Variants in FBXO8 observed in about 807,000 individuals in gnomAD.
FBXO8 encodes the protein F-box protein 8.
A neutral mutation model predicts 33.4 loss-of-function variants in FBXO8; 15 were observed. That is an observed-to-expected ratio of 0.45 (90% CI 0.30 to 0.69). FBXO8 has a LOEUF of 0.69. Among genes scored for constraint, FBXO8 ranks in the 30% least tolerant of loss-of-function variants. The pLI is 0.08. For missense variants in FBXO8, 274 were observed against 380.3 expected (o/e 0.72, Z 2.32); for synonymous variants, 132 against 131.5 (o/e 1.00, Z -0.02).
Position 174,251,003 on chromosome 4 carries a change from C to G in FBXO8, c.456+8696G>C, listed in dbSNP as rs927697713. 4.6e-5 allele frequency among the ~76,000 whole-genome samples: 7 copies of G among 152,064 alleles called. No homozygotes were observed. The highest frequency in any genetic ancestry group is 8.8e-5 in the Non-Finnish European group (6 of 68,000). Reference sequence around the variant, plus strand: ...GTATGATGAGAAAATAAAAAGCAAACAGATTTTTCATTAAAATGCACTTAA... The same window carrying G: ...GTATGATGAGAAAATAAAAAGCAAAGAGATTTTTCATTAAAATGCACTTAA... On this transcript the variant is annotated intron_variant, in intron 3 of 5. Coordinates refer to ENST00000393674, the MANE Select transcript of FBXO8 (RefSeq NM_012180.3). The surrounding 1 kb of genome is among the most constrained non-coding windows in gnomAD (Gnocchi z 4.2).
At position 174,252,477 on chromosome 4, in the gene FBXO8, T is replaced by C. The variant is rs960799782; in HGVS notation, c.456+7222A>G. Among the ~76,000 whole-genome samples, 2 of 152,168 alleles carry C rather than the reference T, an allele frequency of 1.3e-5. No individual in the cohort carries two copies. Among genetic ancestry groups the C allele is most frequent in the African/African-American group, 4.8e-5 (2 of 41,442 alleles). ...TCCAAACTAATATGGCTCCAGGTTGTTGGGCTCACAGATAGCATCACAGAC... is the reference window on the plus strand; with the variant it reads ...TCCAAACTAATATGGCTCCAGGTTGCTGGGCTCACAGATAGCATCACAGAC... On this transcript the variant is annotated intron_variant, in intron 3 of 5. Transcript: ENST00000393674. This position sits in a 1 kb window ranked among gnomAD's most constrained non-coding sequence, Gnocchi z 5.1.
intron 3 of FBXO8, among the ~76,000 whole-genome samples, chr4:174,246,708 T>TA (rs1265935626): frequency 6.6e-6 from 1 of 151,744 alleles, no homozygotes; most frequent in African/African-American, 2.4e-5. Flanking sequence ...GCAAAGCCGA[T>TA]AAAAAGAGAG....
chr4:174,260,458 T>C (rs967506239), intron 2 of FBXO8, among the ~76,000 whole-genome samples: 13 of 152,038 alleles, frequency 8.6e-5, no homozygotes, highest in Non-Finnish European at 1.3e-4. Context: ...ACAAATTAAA[T>C]ACAGAAATTG....
In FBXO8 at chr4:174,253,924, G is replaced by A. The variant is rs1402480808; in HGVS notation, c.456+5775C>T. Among the ~76,000 whole-genome samples, 1 of 152,146 alleles carries A rather than the reference G, an allele frequency of 6.6e-6. No individual in the cohort carries two copies. Among genetic ancestry groups the A allele is most frequent in the Non-Finnish European group, 1.5e-5 (1 of 68,026 alleles). ...TTGTGGTAGCATCTTGCTATCAAGA[G>A]AGGGTGAAAGTCAACACACTCAGGT... On this transcript the variant is annotated intron_variant, in intron 3 of 5. Coordinates refer to ENST00000393674, the MANE Select transcript of FBXO8 (RefSeq NM_012180.3). The surrounding 1 kb of genome is among the most constrained non-coding windows in gnomAD (Gnocchi z 4.5).
chr4:174,273,338 G>GAAAAGA (rs1736882709), intron 1 of FBXO8, among the ~76,000 whole-genome samples: 1 of 97,466 alleles, frequency 1.0e-5, no homozygotes, highest in Admixed American at 1.2e-4. Context: ...AAAAAAAAAA[G>GAAAAGA]AAAAGAAAAG....
chr4:174,283,593 C>T lies in FBXO8; in HGVS notation c.-192G>A. ...AGAATACCAGAAACAGCACTACGAC[C>T]CTCAGAACTCAGGGTACCTCCAGCT... On this transcript the variant is annotated 5_prime_UTR_variant, in exon 1 of 6. Transcript: ENST00000393674. This position sits in a 1 kb window ranked among gnomAD's most constrained non-coding sequence, Gnocchi z 6.7. The T allele has an allele frequency of 3.3e-6, 1 of 300,686 alleles. No individual in the cohort carries two copies. Among genetic ancestry groups the T allele is most frequent in the African/African-American group, 2.1e-5 (1 of 46,576 alleles). The allele number at this position is 300,686 out of a possible 1,614,324, so 18.6% of individuals were successfully genotyped here.
chr4:174,282,257 T>A (rs1737117358), intron 1 of FBXO8, among the ~76,000 whole-genome samples: 1 of 152,226 alleles, frequency 6.6e-6, no homozygotes. Flanking sequence ...TAATATTTTG[T>A]GGATGGAAGT....
rs35190385 is a variant in FBXO8 at position 174,277,201 on chromosome 4, T to G, written c.-9+6209A>C. ...ATACTTTTTAACTTCTAGAAGATCG[T>G]TACATTTCTAAGAGATGGTATTTTT... On this transcript the variant is annotated intron_variant, in intron 1 of 5. Coordinates refer to ENST00000393674, the MANE Select transcript of FBXO8 (RefSeq NM_012180.3). This position sits in a 1 kb window ranked among gnomAD's most constrained non-coding sequence, Gnocchi z 4.9. Among the ~76,000 whole-genome samples, 27,029 of 152,098 alleles carry G rather than the reference T, an allele frequency of 0.18. 2,937 individuals carry two copies. Among genetic ancestry groups the G allele is most frequent in the East Asian group, 0.58 (3,011 of 5,166 alleles).
chr4:174,267,422 C>T lies in FBXO8; in HGVS notation c.-8-4322G>A, dbSNP rs1736718868. Among the ~76,000 whole-genome samples the T allele has an allele frequency of 6.6e-6, 1 of 152,120 alleles. No individual in the cohort carries two copies. Among genetic ancestry groups the T allele is most frequent in the Non-Finnish European group, 1.5e-5 (1 of 68,022 alleles). Reference sequence around the variant, plus strand: ...GTTAGCTAGGTGCGATGGTGCATACCTGTAGTCCTATCCACTCAGGAGTCT... The same window carrying T: ...GTTAGCTAGGTGCGATGGTGCATACTTGTAGTCCTATCCACTCAGGAGTCT... On this transcript the variant is annotated intron_variant, in intron 1 of 5. Coordinates refer to ENST00000393674, the MANE Select transcript of FBXO8 (RefSeq NM_012180.3). The surrounding 1 kb of genome is among the most constrained non-coding windows in gnomAD (Gnocchi z 4.7).
In FBXO8 at chr4:174,258,676, T is replaced by C. The variant is rs969023218; in HGVS notation, c.456+1023A>G. ...ATTTTAAATTTATGTACCATAAAAATTTAACAAAAAATAAACCATACATAA... is the reference window on the plus strand; with the variant it reads ...ATTTTAAATTTATGTACCATAAAAACTTAACAAAAAATAAACCATACATAA... On this transcript the variant is annotated intron_variant, in intron 3 of 5. Coordinates refer to ENST00000393674, the MANE Select transcript of FBXO8 (RefSeq NM_012180.3). 9.2e-5 allele frequency among the ~76,000 whole-genome samples: 14 copies of C among 152,116 alleles called. No homozygotes were observed. The South Asian group carries it at 2.9e-3, about 31-fold the overall frequency.
rs1736142548 is a variant in FBXO8 at position 174,245,693 on chromosome 4, TTAGA to T, written c.457-4479_457-4476del. Among the ~76,000 whole-genome samples, 1 of 151,752 alleles carries T rather than the reference TTAGA, an allele frequency of 6.6e-6. No homozygotes were observed. Among genetic ancestry groups the T allele is most frequent in the Non-Finnish European group, 1.5e-5 (1 of 67,882 alleles). On this transcript the variant is annotated intron_variant, in intron 3 of 5. Coordinates refer to ENST00000393674, the MANE Select transcript of FBXO8 (RefSeq NM_012180.3). This position sits in a 1 kb window ranked among gnomAD's most constrained non-coding sequence, Gnocchi z 4.6. ...ATAAAGATAAATAATGAAAGAAAAA[TTAGA>T]TAGTGGGCTATTCAGCGGAGCACTC...
chr4:174,246,259 T>C (rs993112646), intron 3 of FBXO8, among the ~76,000 whole-genome samples: 4 of 151,258 alleles, frequency 2.6e-5, no homozygotes, highest in Non-Finnish European at 5.9e-5. Context: ...GATATGAACA[T>C]AAACAATCTA....
At chr4:174,279,863 C>T (rs1428291295) in intron 1 of FBXO8, among the ~76,000 whole-genome samples, 2 of 152,014 alleles carry the variant, frequency 1.3e-5, no homozygotes, top group South Asian at 2.1e-4. Context: ...GGATCAAAGA[C>T]TTAAATCTAA....
rs906977178 is a variant in FBXO8 at position 174,262,811 on chromosome 4, A to C, written c.282T>G (p.Ala94=). 4 of 1,613,910 alleles carry C rather than the reference A, an allele frequency of 2.5e-6. 1 individual carries two copies. The South Asian group carries it at 4.4e-5, about 18-fold the overall frequency. Reference sequence around the variant, plus strand: ...TCGCAAGGTCCTGCCAAACACATGAAGCCAAGCAAAGGTCAGTTGCATTCA... The same window carrying C: ...TCGCAAGGTCCTGCCAAACACATGACGCCAAGCAAAGGTCAGTTGCATTCA... ...SYLNATDLCL[A]SCVWQDLAND... Residue 94 remains alanine, a synonymous_variant, in exon 2 of 6, where the codon GCT becomes GCG. Coordinates refer to ENST00000393674, the MANE Select transcript of FBXO8 (RefSeq NM_012180.3). The surrounding 1 kb of genome is among the most constrained non-coding windows in gnomAD (Gnocchi z 4.6).
chr4:174,260,056 T>C (rs1348861319), intron 2 of FBXO8, among the ~76,000 whole-genome samples: 1 of 152,052 alleles, frequency 6.6e-6, no homozygotes, highest in Non-Finnish European at 1.5e-5. Context: ...TAGAGATTAA[T>C]AATATTCATG....
At position 174,256,147 on chromosome 4, in the gene FBXO8, T is replaced by C. The variant is rs1459786232; in HGVS notation, c.456+3552A>G. 2 of 455,590 alleles carry C rather than the reference T, an allele frequency of 4.4e-6. No homozygotes were observed. The highest frequency in any genetic ancestry group is 8.8e-6 in the Non-Finnish European group (2 of 226,668). 28.2% of individuals were successfully genotyped at this position (455,590 alleles called of 1,614,324 possible). ...TTTGGAGAATCTTGTTCCCTGTGGC[T>C]GTAAGTATTCTTATTTTTATAATAT... On this transcript the variant is annotated intron_variant, in intron 3 of 5. Coordinates refer to ENST00000393674, the MANE Select transcript of FBXO8 (RefSeq NM_012180.3). This position sits in a 1 kb window ranked among gnomAD's most constrained non-coding sequence, Gnocchi z 4.6.
At position 174,262,997 on chromosome 4, in the gene FBXO8, T is replaced by G; in HGVS notation, c.96A>C (p.Arg32Ser). The G allele has an allele frequency of 6.2e-7, 1 of 1,614,066 alleles. No individual in the cohort carries two copies. Reference protein sequence around the residue: ...QGYLTREQSRRMAASNISNTN... With the variant: ...QGYLTREQSRSMAASNISNTN... Reference sequence around the variant, plus strand: ...TGTTAGAAATGTTGCTCGCAGCCATTCTCCTGCTCTGCTCTCTGGTGAGGT... The same window carrying G: ...TGTTAGAAATGTTGCTCGCAGCCATGCTCCTGCTCTGCTCTCTGGTGAGGT... The change falls in exon 2 of 6, where the codon AGA (arginine) becomes AGC (serine). Residue 32 changes from arginine (R) to serine (S), a missense_variant. Coordinates refer to ENST00000393674, the MANE Select transcript of FBXO8 (RefSeq NM_012180.3). The surrounding 1 kb of genome is among the most constrained non-coding windows in gnomAD (Gnocchi z 4.6).
chr4:174,262,722 G>T lies in FBXO8; in HGVS notation c.329+42C>A. On this transcript the variant is annotated intron_variant, in intron 2 of 5. Coordinates refer to ENST00000393674, the MANE Select transcript of FBXO8 (RefSeq NM_012180.3). This position sits in a 1 kb window ranked among gnomAD's most constrained non-coding sequence, Gnocchi z 4.6. ...AAAAAGAACATTGAAGCATGATTAT[G>T]TTTAGAGATACCTGAATTCAACTTT... is the stretch of plus-strand genomic sequence containing the variant. 1 of 1,527,288 alleles carries T rather than the reference G, an allele frequency of 6.5e-7. No homozygotes were observed. Among genetic ancestry groups the T allele is most frequent in the Non-Finnish European group, 9.0e-7 (1 of 1,105,552 alleles). 94.6% of individuals were successfully genotyped at this position (1,527,288 alleles called of 1,614,324 possible).
At position 174,262,790 on chromosome 4, in the gene FBXO8, A is replaced by G; in HGVS notation, c.303T>C (p.Leu101=). The change falls in exon 2 of 6, where the codon CTT becomes CTC. Residue 101 remains leucine (L), a synonymous_variant. Coordinates refer to ENST00000393674, the MANE Select transcript of FBXO8 (RefSeq NM_012180.3). The surrounding 1 kb of genome is among the most constrained non-coding windows in gnomAD (Gnocchi z 4.6). ...CTTGCCAGAGAAGTTCATCATTCGC[A>G]AGGTCCTGCCAAACACATGAAGCCA... ...LCLASCVWQD[L]ANDELLWQGL... The G allele has an allele frequency of 1.9e-6, 3 of 1,613,630 alleles. No homozygotes were observed. Among genetic ancestry groups the G allele is most frequent in the Admixed American group, 1.7e-5 (1 of 59,938 alleles).
Sources: allele counts gnomAD v4.1 joint callset (sites outside exome capture counted in the v4.1 genomes callset), GRCh38; gene constraint gnomAD v4.1.1; non-coding constraint Gnocchi (gnomAD v3.1); transcripts MANE v1.5; gene names NCBI Gene and HGNC (gene_info 2026-07-23, HGNC 2026-07-21).